NF1: variants seen among roughly 807,000 people sequenced by gnomAD.
NF1 encodes the protein neurofibromin 1, also known as neurofibromin.
Under a neutral mutation model 325.7 loss-of-function variants are expected in NF1, and 122 were observed. The observed-to-expected ratio is 0.37, with a 90% CI of 0.32 to 0.44. The LOEUF (loss-of-function observed/expected upper bound fraction) is 0.44, where lower values mean the gene tolerates loss of function less well. Among genes scored for constraint, NF1 ranks in the 20% least tolerant of loss-of-function variants. The pLI is 1.00. For synonymous variants in NF1, 1,091 were observed against 1,186.0 expected, an observed-to-expected ratio of 0.92 and a Z score of 1.65; for missense variants, 2,140 against 3,415.4, an observed-to-expected ratio of 0.63 and a Z score of 9.31.
At chr17:31,308,135 C>T (rs1341023971) in intron 36 of NF1, among the ~76,000 whole-genome samples, 5 of 151,812 alleles carry the variant, frequency 3.3e-5, no homozygotes, top group Non-Finnish European at 5.9e-5. Flanking sequence ...TAAGATAAAA[C>T]TTCCTTTTTC....
chr17:31,280,300 G>A (rs1323795594), intron 36 of NF1, among the ~76,000 whole-genome samples: 1 of 151,428 alleles, frequency 6.6e-6, no homozygotes, highest in East Asian at 1.9e-4. Flanking sequence ...GGATCACGAG[G>A]TCAGGAGTTC....
intron 1 of NF1, among the ~76,000 whole-genome samples, chr17:31,119,264 T>A (rs1045453981): frequency 6.6e-6 from 1 of 151,876 alleles, no homozygotes; most frequent in African/African-American, 2.4e-5. Context: ...TTTCTCCACC[T>A]CCTCTCCAGC....
chr17:31,141,223 A>G (rs983347336), intron 1 of NF1, among the ~76,000 whole-genome samples: 1 of 151,406 alleles, frequency 6.6e-6, no homozygotes, highest in African/African-American at 2.4e-5. Context: ...TTTTAAAGGT[A>G]TTGTTGGGGC....
intron 36 of NF1, among the ~76,000 whole-genome samples, chr17:31,323,832 T>A (rs1242175890): frequency 6.6e-6 from 1 of 151,744 alleles, no homozygotes; most frequent in African/African-American, 2.4e-5. Context: ...TTTGTGTTAA[T>A]CTCTCTCTCT....
chr17:31,320,122 A>G (rs370174304), intron 36 of NF1, among the ~76,000 whole-genome samples: 1 of 152,168 alleles, frequency 6.6e-6, no homozygotes, highest in African/African-American at 2.4e-5. Flanking sequence ...CTGCTAACCC[A>G]GCAGGAAAGA....
At chr17:31,227,353 G>C (rs1173957168) in intron 19 of NF1, 62 bp downstream of exon 19, 7 of 1,545,862 alleles carry the variant, frequency 4.5e-6, no homozygotes, top group Non-Finnish European at 6.3e-6. Flanking sequence ...GAAGCCTCTT[G>C]TTACATATGT....
intron 50 of NF1, among the ~76,000 whole-genome samples, chr17:31,351,050 G>T (rs536172633): frequency 9.9e-5 from 15 of 152,034 alleles, no homozygotes; most frequent in Non-Finnish European, 2.2e-4. Flanking sequence ...TTCAAACATG[G>T]TATTCAATAG....
intron 36 of NF1, chr17:31,318,960 C>A: frequency 6.2e-7 from 1 of 1,613,314 alleles, no homozygotes; most frequent in South Asian, 1.1e-5. Flanking sequence ...AAACTGTTGT[C>A]ATCAGAAAGG....
chr17:31,313,322 A>G (rs1305096793), intron 36 of NF1, among the ~76,000 whole-genome samples: 1 of 152,216 alleles, frequency 6.6e-6, no homozygotes, highest in Non-Finnish European at 1.5e-5. Context: ...AAATTCAGTC[A>G]TAGCCTGTGG....
chr17:31,220,187 A>T (rs1217820233), intron 14 of NF1, among the ~76,000 whole-genome samples: 1 of 152,170 alleles, frequency 6.6e-6, no homozygotes, highest in Non-Finnish European at 1.5e-5. Context: ...ATAGTTCTGT[A>T]TGCTTGCTAA....
rs142598053 is a variant in NF1 at position 31,156,754 on chromosome 17, G to C, written c.204+628G>C. ...TTCCCATTTTCTAAAATCGATTGAC[G>C]TTTCCTAGACTTCAGAGTACTCCAG... is the stretch of plus-strand genomic sequence containing the variant. On this transcript the variant is annotated intron_variant, in intron 2 of 57. Coordinates refer to ENST00000358273, the MANE Select transcript of NF1 (RefSeq NM_001042492.3). 6.6e-5 allele frequency among the ~76,000 whole-genome samples: 10 copies of C among 152,028 alleles called. No homozygotes were observed. In the South Asian group the frequency reaches 1.9e-3, roughly 28 times the overall value.
chr17:31,171,512 A>ATT (rs1428145804), intron 5 of NF1, among the ~76,000 whole-genome samples: 1 of 152,202 alleles, frequency 6.6e-6, no homozygotes, highest in Non-Finnish European at 1.5e-5. Flanking sequence ...AAAACAATAG[A>ATT]AATGTTCAAT....
intron 3 of NF1, among the ~76,000 whole-genome samples, chr17:31,160,943 T>A (rs888317017): frequency 1.3e-5 from 2 of 152,368 alleles, no homozygotes; most frequent in African/African-American, 2.4e-5. Flanking sequence ...GTATGCTTTT[T>A]CATTAAATTT....
chr17:31,335,233 G>GTTCTATATAATATATAT (rs1567616050), intron 40 of NF1, among the ~76,000 whole-genome samples: 127 of 22,218 alleles, frequency 5.7e-3, no homozygotes, highest in African/African-American at 0.021. Context: ...CTCAGAGCCA[G>GTTCTATATAATATATAT]AGAAAAGCTA....
intron 36 of NF1, among the ~76,000 whole-genome samples, chr17:31,291,353 T>G (rs1274210527): frequency 6.6e-6 from 1 of 152,220 alleles, no homozygotes; most frequent in African/African-American, 2.4e-5. Flanking sequence ...TTTCCCCATT[T>G]GATGCTGCAT....
intron 1 of NF1, among the ~76,000 whole-genome samples, chr17:31,146,646 T>C (rs948081135): frequency 1.3e-5 from 2 of 152,240 alleles, no homozygotes; most frequent in African/African-American, 4.8e-5. Flanking sequence ...TTTTATCTTT[T>C]TTCTTTGAAA....
At chr17:31,124,148 A>C (rs1472271599) in intron 1 of NF1, among the ~76,000 whole-genome samples, 1 of 152,138 alleles carries the variant, frequency 6.6e-6, no homozygotes, top group African/African-American at 2.4e-5. Context: ...TGTGTTCATA[A>C]AAAAATTACA....
intron 8 of NF1, among the ~76,000 whole-genome samples, chr17:31,197,114 G>A (rs1365661047): frequency 2.6e-5 from 4 of 151,318 alleles, no homozygotes; most frequent in South Asian, 4.2e-4. Flanking sequence ...GCGCGATCTC[G>A]GCTCACTACA....
chr17:31,184,660 TAAAAAA>T (rs1166091450), intron 8 of NF1, among the ~76,000 whole-genome samples: 5 of 138,314 alleles, frequency 3.6e-5, no homozygotes, highest in Admixed American at 7.2e-5. Context: ...AAAAAAAAAA[TAAAAAA>T]AAAAAATAAA....
Sources: allele counts gnomAD v4.1 joint callset (sites outside exome capture counted in the v4.1 genomes callset), GRCh38; gene constraint gnomAD v4.1.1; transcripts MANE v1.5; gene names NCBI Gene and HGNC (gene_info 2026-07-23, HGNC 2026-07-21).